Variants in MTBP observed in about 807,000 individuals in gnomAD.
MTBP encodes the protein mdm2-binding protein.
A neutral mutation model predicts 117.0 loss-of-function variants in MTBP; 101 were observed. The observed-to-expected ratio is 0.86, with a 90% CI of 0.73 to 1.02. MTBP has a LOEUF of 1.02. Among genes scored for constraint, MTBP ranks in the 50% least tolerant of loss-of-function variants. MTBP has a pLI of 0.00. For synonymous variants in MTBP, 350 were observed against 351.5 expected (o/e 1.00, Z 0.05); for missense variants, 970 against 1,030.9 (o/e 0.94, Z 0.81).
rs141042933 is a variant in MTBP, at chr8:120,450,610, C to T, written c.200-393C>T. ...TCTGTCTCTAGTCAGGCTGAACCAA[C>T]CTGCATAGTCTTTGGAGAGGGAATT... is the stretch of plus-strand genomic sequence containing the variant. On this transcript the variant is annotated intron_variant, in intron 2 of 21. Coordinates refer to ENST00000305949, the MANE Select transcript of MTBP (RefSeq NM_022045.5). Among the ~76,000 whole-genome samples, 340 of 152,276 alleles carry T rather than the reference C, an allele frequency of 2.2e-3. 1 individual carries two copies. The highest frequency in any genetic ancestry group is 7.7e-3 in the African/African-American group (318 of 41,558).
intron 17 of MTBP, among the ~76,000 whole-genome samples, chr8:120,512,623 T>C (rs1368452229): frequency 6.6e-6 from 1 of 152,128 alleles, no homozygotes; most frequent in Non-Finnish European, 1.5e-5. Context: ...CATACAATGT[T>C]ATGAAATTCT....
At position 120,516,053 on chromosome 8, in the gene MTBP, G is replaced by C. The variant is rs1459681601; in HGVS notation, c.2108G>C (p.Ser703Thr). Residue 703 changes from serine (S) to threonine (T), a missense_variant, in exon 18 of 22, where the codon AGC becomes ACC. Ser to Thr is a moderately conservative substitution (Grantham distance 58). Coordinates refer to ENST00000305949, the MANE Select transcript of MTBP (RefSeq NM_022045.5). ...AGTTTTCCAGTACCTACTGTGTTGA[G>C]CCCTCTTCCATCTCCTGTAGTTTCG... ...RESFPVPTVLSPLPSPVVSSD... is the reference protein window; with the variant it reads ...RESFPVPTVLTPLPSPVVSSD... 6.2e-7 allele frequency: 1 copy of C among 1,613,116 alleles called. No individual in the cohort carries two copies. The highest frequency in any genetic ancestry group is 1.7e-4 in the Middle Eastern group (1 of 6,060).
chr8:120,517,988 C>T lies in MTBP; in HGVS notation c.2384C>T (p.Pro795Leu). ...LPVTCPLVPI[P>L]SCETPKLATK... ...GTGACTTGTCCATTGGTTCCAATTC[C>T]TAGCTGTGAAACTCCAAAACTTGCT... is the stretch of plus-strand genomic sequence containing the variant. Residue 795 changes from proline to leucine, a missense_variant, in exon 19 of 22, where the codon CCT becomes CTT. Physicochemically the swap from Pro to Leu is moderately conservative, Grantham distance 98. Coordinates refer to ENST00000305949, the MANE Select transcript of MTBP (RefSeq NM_022045.5). 1.2e-6 allele frequency: 2 copies of T among 1,612,870 alleles called. No individual in the cohort carries two copies. The highest frequency in any genetic ancestry group is 1.7e-6 in the Non-Finnish European group (2 of 1,179,160).
intron 15 of MTBP, among the ~76,000 whole-genome samples, chr8:120,504,681 A>G (rs1814656894): frequency 6.6e-6 from 1 of 151,900 alleles, no homozygotes; most frequent in African/African-American, 2.4e-5. Context: ...ATATCTTATT[A>G]TTTCTTCAAT....
In MTBP at chr8:120,450,985, T is replaced by G. The variant is rs770430669; in HGVS notation, c.200-18T>G. On this transcript the variant is annotated intron_variant, in intron 2 of 21. Transcript: ENST00000305949. ...TTATGGTATGCCTTTTTAATAATAATGTGGTTTTATTTTCAAGCCTGTTCA... is the reference window on the plus strand; with the variant it reads ...TTATGGTATGCCTTTTTAATAATAAGGTGGTTTTATTTTCAAGCCTGTTCA... 2 of 1,590,878 alleles carry G rather than the reference T, an allele frequency of 1.3e-6. No homozygotes were observed.
At chr8:120,458,864 A>AG (rs1486366227) in intron 7 of MTBP, among the ~76,000 whole-genome samples, 1 of 140,868 alleles carries the variant, frequency 7.1e-6, no homozygotes, top group African/African-American at 2.5e-5. Context: ...AAAAAAAAAA[A>AG]GGAACAAGAC....
intron 18 of MTBP, among the ~76,000 whole-genome samples, chr8:120,517,149 A>T (rs1272940351): frequency 6.6e-6 from 1 of 151,948 alleles, no homozygotes; most frequent in Non-Finnish European, 1.5e-5. Flanking sequence ...AAAGGGAAAA[A>T]TTTGGGCCTT....
chr8:120,518,755 A>T lies in MTBP; in HGVS notation c.2548A>T (p.Thr850Ser), dbSNP rs1225441641. The T allele has an allele frequency of 6.2e-7, 1 of 1,612,068 alleles. No homozygotes were observed. ...CCTGAAGAAACACAGTATTACCGAG[A>T]CTCATGAATGTTTCACTGCATGCAG... The part of the protein sequence containing the change: ...ETLKKHSITE[T>S]HECFTACSQR... The change falls in exon 20 of 22, where the codon ACT becomes TCT. Residue 850 changes from threonine (T) to serine (S), a missense_variant. Thr to Ser is a moderately conservative substitution (Grantham distance 58, BLOSUM62 1). Transcript: ENST00000305949.
At chr8:120,501,866 A>G (rs1191226880) in intron 14 of MTBP, among the ~76,000 whole-genome samples, 1 of 152,200 alleles carries the variant, frequency 6.6e-6, no homozygotes, top group Non-Finnish European at 1.5e-5. Context: ...ATTAACAGCA[A>G]TCTCAATATA....
At chr8:120,509,435 C>T (rs918569809) in intron 16 of MTBP, among the ~76,000 whole-genome samples, 1 of 152,092 alleles carries the variant, frequency 6.6e-6, no homozygotes, top group Non-Finnish European at 1.5e-5. Flanking sequence ...AACCCTGTCT[C>T]TACTAAAAAT....
chr8:120,501,018 C>T (rs1052270027), intron 14 of MTBP, among the ~76,000 whole-genome samples: 10 of 151,970 alleles, frequency 6.6e-5, no homozygotes, highest in Non-Finnish European at 1.3e-4. Flanking sequence ...GGTGAAACCC[C>T]GTCCCTACTG....
chr8:120,505,861 A>G (rs1814675697), intron 15 of MTBP, among the ~76,000 whole-genome samples: 1 of 152,130 alleles, frequency 6.6e-6, no homozygotes, highest in Non-Finnish European at 1.5e-5. Context: ...ATAGGGTCAT[A>G]GAGTAGAAAT....
intron 9 of MTBP, among the ~76,000 whole-genome samples, 163 bp downstream of exon 9, chr8:120,461,418 T>C (rs1813581037): frequency 6.6e-6 from 1 of 152,132 alleles, no homozygotes; most frequent in South Asian, 2.1e-4. Context: ...ATTTTTGGAG[T>C]TGCTGGGGAA....
At chr8:120,506,654 C>A in intron 15 of MTBP, 52 bp from the exon 16 acceptor site, 2 of 1,253,504 alleles carry the variant, frequency 1.6e-6, no homozygotes, top group Non-Finnish European at 2.1e-6. Flanking sequence ...ACTCTGGCTT[C>A]TCTCTGGATT....
intron 14 of MTBP, among the ~76,000 whole-genome samples, chr8:120,500,334 C>T (rs1387658231): frequency 6.6e-6 from 1 of 152,134 alleles, no homozygotes; most frequent in Non-Finnish European, 1.5e-5. Context: ...AGACATGAGA[C>T]ATATGAATGT....
intron 11 of MTBP, among the ~76,000 whole-genome samples, chr8:120,480,130 A>G (rs1485082805): frequency 6.6e-6 from 1 of 152,002 alleles, no homozygotes; most frequent in Non-Finnish European, 1.5e-5. Flanking sequence ...AGAACTCCAA[A>G]TTGAACCCAA....
In MTBP at chr8:120,451,176, T is replaced by G. The variant is rs200796663; in HGVS notation, c.279T>G (p.Cys93Trp). ...ACAATCTTTTGATTTGTTAGTTTTGTAGTTCTGATTGGCAAGAGATACATT... is the reference window on the plus strand; with the variant it reads ...ACAATCTTTTGATTTGTTAGTTTTGGAGTTCTGATTGGCAAGAGATACATT... Reference protein sequence around the residue: ...VQAIYGFYQFCSSDWQEIHFD... With the variant: ...VQAIYGFYQFWSSDWQEIHFD... The change falls in exon 4 of 22, where the codon TGT becomes TGG. Residue 93 changes from cysteine (C) to tryptophan (W), a missense_variant. Transcript: ENST00000305949. 6 of 1,602,448 alleles carry G rather than the reference T, an allele frequency of 3.7e-6. No individual in the cohort carries two copies. Among genetic ancestry groups the G allele is most frequent in the Non-Finnish European group, 5.1e-6 (6 of 1,172,678 alleles).
intron 14 of MTBP, 94 bp from the exon 15 acceptor site, chr8:120,502,398 C>A: frequency 1.3e-6 from 1 of 761,228 alleles, no homozygotes; most frequent in Non-Finnish European, 2.1e-6. Context: ...CACATACACA[C>A]ACACGTATGT....
rs140053688 is a variant in MTBP, at chr8:120,449,201, G to A, written c.200-1802G>A. Among the ~76,000 whole-genome samples, 122 of 152,152 alleles carry A rather than the reference G, an allele frequency of 8.0e-4. 1 individual carries two copies. Among genetic ancestry groups the A allele is most frequent in the African/African-American group, 2.6e-3 (110 of 41,522 alleles). The stretch of plus-strand genomic sequence containing the variant: ...GGGGGTAGAATTCACCTACCTTAGC[G>A]TTGAATTGGTATGATGTAGAAGAAG... On this transcript the variant is annotated intron_variant, in intron 2 of 21. Coordinates refer to ENST00000305949, the MANE Select transcript of MTBP (RefSeq NM_022045.5).
Sources: allele counts gnomAD v4.1 joint callset (sites outside exome capture counted in the v4.1 genomes callset), GRCh38; gene constraint gnomAD v4.1.1; transcripts MANE v1.5; gene names NCBI Gene and HGNC (gene_info 2026-07-23, HGNC 2026-07-21).